The following STYK1 variants were observed in gnomAD, a reference collection of about 807,000 sequenced individuals.
STYK1 encodes the protein tyrosine-protein kinase STYK1.
Under a neutral mutation model 48.1 loss-of-function variants are expected in STYK1, and 46 were observed. That is an observed-to-expected ratio of 0.96 (90% CI 0.75 to 1.22). The LOEUF is 1.22. Among genes scored for constraint, STYK1 ranks in the 50% most tolerant of loss-of-function variants. The pLI is 0.00. For synonymous variants in STYK1, 188 were observed against 189.0 expected, an observed-to-expected ratio of 0.99 and a Z score of 0.04; for missense variants, 527 against 521.1, an observed-to-expected ratio of 1.01 and a Z score of -0.11.
intron 9 of STYK1, 30 bp downstream of exon 9, chr12:10,622,608 G>C: frequency 6.2e-7 from 1 of 1,613,498 alleles, no homozygotes; most frequent in Non-Finnish European, 8.5e-7. Context: ...TTTGCATACA[G>C]GTACACACTA....
chr12:10,655,713 C>T (rs967872431), intron 1 of STYK1, among the ~76,000 whole-genome samples: 3 of 152,086 alleles, frequency 2.0e-5, no homozygotes, highest in Non-Finnish European at 2.9e-5. Context: ...TAAGTCATAA[C>T]CTTAGTGAAA....
chr12:10,653,937 T>A lies in STYK1; in HGVS notation c.-194-16741A>T, dbSNP rs143206765. ...TGCATTCCCAGGAGGTTAGGCATTC[T>A]TAGTTATAGGATGAAACAGGAGGTC... On this transcript the variant is annotated intron_variant, in intron 1 of 10. Coordinates refer to ENST00000075503, the MANE Select transcript of STYK1 (RefSeq NM_018423.3). Among the ~76,000 whole-genome samples, 19 of 152,300 alleles carry A rather than the reference T, an allele frequency of 1.2e-4. No individual in the cohort carries two copies. In the East Asian group the frequency reaches 1.9e-3, roughly 15 times the overall value.
In STYK1 at chr12:10,624,715, T is replaced by TAC; in HGVS notation, c.861_862insGT (p.Ile288ValfsTer14). ...TCTGGGGCAAGCCACTTGAGAGGTA[T>TAC]GGTTTGAGTAGAGGAGATGGCCCCT... On this transcript the variant is annotated frameshift_variant, in exon 8 of 11. Transcript: ENST00000075503. LOFTEE classifies it high-confidence loss of function. The TAC allele has an allele frequency of 6.2e-7, 1 of 1,614,132 alleles. No homozygotes were observed. Among genetic ancestry groups the TAC allele is most frequent in the Non-Finnish European group, 8.5e-7 (1 of 1,180,024 alleles).
intron 1 of STYK1, among the ~76,000 whole-genome samples, chr12:10,643,634 G>A (rs189779749): frequency 8.3e-4 from 127 of 152,286 alleles, no homozygotes; most frequent in African/African-American, 2.8e-3. Flanking sequence ...TAAAAACGGG[G>A]CAATAGGAAG....
intron 1 of STYK1, among the ~76,000 whole-genome samples, chr12:10,639,156 C>A (rs1456508488): frequency 2.0e-5 from 3 of 151,916 alleles, no homozygotes; most frequent in African/African-American, 7.3e-5. Context: ...AAAACAAAAC[C>A]AAAACAAACA....
At chr12:10,630,974 A>T in intron 5 of STYK1, 71 bp downstream of exon 5, 3 of 1,565,680 alleles carry the variant, frequency 1.9e-6, no homozygotes, top group Non-Finnish European at 2.6e-6. Flanking sequence ...GTTAGTTAAC[A>T]TCTCAATGTT....
At chr12:10,640,162 G>A (rs1246353817) in intron 1 of STYK1, among the ~76,000 whole-genome samples, 2 of 152,080 alleles carry the variant, frequency 1.3e-5, no homozygotes, top group Non-Finnish European at 2.9e-5. Context: ...TGAGTAAAAA[G>A]TCCCGGTTCT....
At chr12:10,653,503 T>C (rs1268080392) in intron 1 of STYK1, among the ~76,000 whole-genome samples, 2 of 152,198 alleles carry the variant, frequency 1.3e-5, no homozygotes, top group Non-Finnish European at 2.9e-5. Context: ...ATATAAAATA[T>C]ATTTACATAT....
intron 1 of STYK1, among the ~76,000 whole-genome samples, chr12:10,647,257 C>G (rs1464282030): frequency 6.6e-6 from 1 of 152,236 alleles, no homozygotes; most frequent in African/African-American, 2.4e-5. Flanking sequence ...TATACCCTGT[C>G]AAGCCTCAGC....
chr12:10,628,408 T>C (rs1407215489), intron 6 of STYK1, among the ~76,000 whole-genome samples: 2 of 152,110 alleles, frequency 1.3e-5, no homozygotes, highest in Non-Finnish European at 2.9e-5. Flanking sequence ...GAAAAACATA[T>C]AAAGATAATC....
chr12:10,644,096 T>G (rs57880649), intron 1 of STYK1, among the ~76,000 whole-genome samples: 2,170 of 152,328 alleles, frequency 0.014, 57 homozygotes, highest in African/African-American at 0.05. Context: ...AAAGGTTACA[T>G]GCTGTATGGT....
Position 10,672,382 on chromosome 12 carries a change from T to G in STYK1, c.-195+1584A>C, listed in dbSNP as rs1219229964. On this transcript the variant is annotated intron_variant, in intron 1 of 10. Coordinates refer to ENST00000075503, the MANE Select transcript of STYK1 (RefSeq NM_018423.3). This position sits in a 1 kb window ranked among gnomAD's most constrained non-coding sequence, Gnocchi z 4.0. ...TCCTCCTGTCAGATAAGCCACGACA[T>G]TAGATTTTCTTTCTTTTTCTTCCTC... 6.6e-6 allele frequency among the ~76,000 whole-genome samples: 1 copy of G among 152,112 alleles called. No individual in the cohort carries two copies. Among genetic ancestry groups the G allele is most frequent in the African/African-American group, 2.4e-5 (1 of 41,432 alleles).
At chr12:10,621,669 A>AGT (rs1490851861) in intron 10 of STYK1, among the ~76,000 whole-genome samples, 1 of 151,768 alleles carries the variant, frequency 6.6e-6, no homozygotes, top group African/African-American at 2.4e-5. Flanking sequence ...AGTATGTGTG[A>AGT]GTGTGTGTAT....
chr12:10,663,107 T>C (rs1361349188), intron 1 of STYK1, among the ~76,000 whole-genome samples: 1 of 152,206 alleles, frequency 6.6e-6, no homozygotes, highest in Non-Finnish European at 1.5e-5. Flanking sequence ...TGATTAAAGA[T>C]AGTCTTTTCA....
chr12:10,669,004 T>C (rs774554719), intron 1 of STYK1, among the ~76,000 whole-genome samples: 1 of 152,114 alleles, frequency 6.6e-6, no homozygotes, highest in Non-Finnish European at 1.5e-5. Flanking sequence ...AAAAATGAAC[T>C]GGCAAAGGAA....
At chr12:10,624,983 T>A in intron 7 of STYK1, 124 bp from the exon 8 acceptor site, 1 of 748,614 alleles carries the variant, frequency 1.3e-6, no homozygotes, top group Non-Finnish European at 2.3e-6. Flanking sequence ...CAAGTCTCAC[T>A]AATAATGATA....
intron 1 of STYK1, among the ~76,000 whole-genome samples, chr12:10,649,844 G>T (rs1050750238): frequency 6.6e-6 from 1 of 152,148 alleles, no homozygotes; most frequent in Non-Finnish European, 1.5e-5. Flanking sequence ...CGGGAGCAGT[G>T]GTTCACGCCG....
intron 6 of STYK1, among the ~76,000 whole-genome samples, chr12:10,628,874 C>A (rs1298079042): frequency 6.6e-6 from 1 of 152,068 alleles, no homozygotes; most frequent in Non-Finnish European, 1.5e-5. Flanking sequence ...CACTTAATAA[C>A]TGCAACAAAA....
chr12:10,630,032 G>GGAGAGAGA (rs11268204), intron 5 of STYK1, among the ~76,000 whole-genome samples: 11 of 137,366 alleles, frequency 8.0e-5, no homozygotes, highest in African/African-American at 3.2e-4. Context: ...ATCATGAAGA[G>GGAGAGAGA]GAGAGAGAGA....
Sources: gnomAD v4.1 joint callset for allele counts (sites outside exome capture counted in the v4.1 genomes callset) on GRCh38, gnomAD v4.1.1 for gene constraint, Gnocchi (gnomAD v3.1) non-coding constraint, MANE v1.5 for transcripts, NCBI Gene and HGNC (gene_info 2026-07-23, HGNC 2026-07-21) for gene names.